Variants in MARS1 observed in about 807,000 individuals in gnomAD.
MARS1 encodes the protein methionyl-tRNA synthetase 1.
Under a neutral mutation model 119.5 loss-of-function variants are expected in MARS1, and 80 were observed. The ratio of observed to expected loss-of-function variants is 0.67; its 90% CI spans 0.56 to 0.81. MARS1 has a LOEUF of 0.81. MARS1 is among the 30% of genes least tolerant of loss of function. The probability of loss-of-function intolerance (pLI) is 0.00; values close to 1 mark genes in which losing one functional copy is unlikely to be tolerated. For synonymous variants in MARS1, 418 were observed against 433.4 expected (o/e 0.96, Z 0.44); for missense variants, 945 against 1,116.5 (o/e 0.85, Z 2.19).
intron 18 of MARS1, 125 bp downstream of exon 18, chr12:57,515,461 T>C (rs923964397): frequency 6.5e-6 from 6 of 926,502 alleles, no homozygotes; most frequent in East Asian, 2.6e-5. Context: ...GTTTCTGATA[T>C]AAAGTCCTTG....
At position 57,516,496 on chromosome 12, in the gene MARS1, T is replaced by C; in HGVS notation, c.2618T>C (p.Val873Ala). The stretch of plus-strand genomic sequence containing the variant: ...GACAAGAACGAGGTTGCTGCGGAGG[T>C]GGCGAAACTCTTGGATCTAAAGAAA... Reference protein sequence around the residue: ...KADKNEVAAEVAKLLDLKKQL... With the variant: ...KADKNEVAAEAAKLLDLKKQL... Residue 873 changes from valine (V) to alanine (A), a missense_variant, in exon 21 of 21, where the codon GTG becomes GCG. Physicochemically the swap from Val to Ala is moderately conservative, Grantham distance 64. Transcript: ENST00000262027. 6.2e-7 allele frequency: 1 copy of C among 1,613,596 alleles called. No individual in the cohort carries two copies. The highest frequency in any genetic ancestry group is 8.5e-7 in the Non-Finnish European group (1 of 1,179,886).
At position 57,489,946 on chromosome 12, in the gene MARS1, A is replaced by C; in HGVS notation, c.465A>C (p.Leu155Phe). Residue 155 changes from leucine to phenylalanine, a missense_variant, in exon 5 of 21, where the codon TTA becomes TTC. By Grantham distance (22) the Leu-to-Phe change is conservative. Coordinates refer to ENST00000262027, the MANE Select transcript of MARS1 (RefSeq NM_004990.4). ...TTTTGTGGGGAGCCCTATACCCATT[A>C]CTGCAAGATCCCGCCTACCTCCCTG... is the stretch of plus-strand genomic sequence containing the variant. ...DIVLWGALYP[L>F]LQDPAYLPEE... 1.9e-6 allele frequency: 3 copies of C among 1,614,170 alleles called. No homozygotes were observed. Among genetic ancestry groups the C allele is most frequent in the Non-Finnish European group, 2.5e-6 (3 of 1,180,014 alleles).
At position 57,516,435 on chromosome 12, in the gene MARS1, G is replaced by A; in HGVS notation, c.2557G>A (p.Gly853Arg). 1 of 1,612,982 alleles carries A rather than the reference G, an allele frequency of 6.2e-7. No homozygotes were observed. The highest frequency in any genetic ancestry group is 8.5e-7 in the Non-Finnish European group (1 of 1,179,496). ...ACCTCCCCACCCCCCTTTATCTTAG[G>A]GAAACATTGTCCGAGAACTGAAAGC... is the stretch of plus-strand genomic sequence containing the variant. Reference protein sequence around the residue: ...QALMDEVTKQGNIVRELKAQK... With the variant: ...QALMDEVTKQRNIVRELKAQK... The change falls in exon 21 of 21, where the codon GGA (glycine) becomes AGA (arginine). Residue 853 changes from glycine (G) to arginine (R), a missense_variant and splice_region_variant. Coordinates refer to ENST00000262027, the MANE Select transcript of MARS1 (RefSeq NM_004990.4).
At chr12:57,494,328 C>CTTTTT (rs71448526) in intron 7 of MARS1, among the ~76,000 whole-genome samples, 1 of 121,228 alleles carries the variant, frequency 8.2e-6, no homozygotes, top group Non-Finnish European at 1.7e-5. Context: ...TCTTTTTTTT[C>CTTTTT]TTTTTTTTTT....
intron 7 of MARS1, among the ~76,000 whole-genome samples, chr12:57,495,405 G>A (rs1876560582): frequency 6.8e-6 from 1 of 146,120 alleles, no homozygotes; most frequent in South Asian, 2.1e-4. Context: ...CTCAGACGGG[G>A]CGGCGGGGCA....
At chr12:57,514,673 T>A (rs763921830) in intron 15 of MARS1, 47 bp from the exon 16 acceptor site, 2 of 1,611,612 alleles carry the variant, frequency 1.2e-6, no homozygotes, top group South Asian at 2.2e-5. Flanking sequence ...GACGGGATAA[T>A]AACTTCCCCT....
Position 57,512,265 on chromosome 12 carries a change from C to A in MARS1, c.1665C>A (p.Asp555Glu). ...QVDLYQFMAKDNVPFHSLVFP... is the reference protein window; with the variant it reads ...QVDLYQFMAKENVPFHSLVFP... ...ACCTGTATCAGTTCATGGCCAAAGACAATGTTCCTTTCCATAGCTTAGTCT... is the reference window on the plus strand; with the variant it reads ...ACCTGTATCAGTTCATGGCCAAAGAAAATGTTCCTTTCCATAGCTTAGTCT... Residue 555 changes from aspartate to glutamate, a missense_variant, in exon 14 of 21, where the codon GAC becomes GAA. Physicochemically the swap from Asp to Glu is conservative, Grantham distance 45. Transcript: ENST00000262027. 1 of 1,614,184 alleles carries A rather than the reference C, an allele frequency of 6.2e-7. No homozygotes were observed. Among genetic ancestry groups the A allele is most frequent in the Non-Finnish European group, 8.5e-7 (1 of 1,180,026 alleles).
rs1357500183 is a variant in MARS1 at position 57,493,775 on chromosome 12, ATATATAT to A, written c.770+3151_770+3157del. On this transcript the variant is annotated intron_variant, in intron 7 of 20. Coordinates refer to ENST00000262027, the MANE Select transcript of MARS1 (RefSeq NM_004990.4). Reference sequence around the variant, plus strand: ...CATTATATTATATATATTATATATAATATATATTATATATTATATATTATATTATATA... The same window carrying A: ...CATTATATTATATATATTATATATAATATATATTATATATTATATTATATA... Among the ~76,000 whole-genome samples the A allele has an allele frequency of 9.4e-3, 25 of 2,652 alleles. 6 individuals carry two copies. The highest frequency in any genetic ancestry group is 0.043 in the African/African-American group (25 of 582). The allele number at this position is 2,652 out of a possible 152,430, so 1.7% of individuals were successfully genotyped here.
intron 7 of MARS1, among the ~76,000 whole-genome samples, chr12:57,496,157 C>G (rs954102896): frequency 6.8e-6 from 1 of 147,702 alleles, no homozygotes; most frequent in South Asian, 2.2e-4. Context: ...AGCCACTGCA[C>G]CCGGCAATAT....
At chr12:57,490,497 GC>G (rs1594807845) in intron 6 of MARS1, 40 bp from the exon 7 acceptor site, 1 of 1,611,192 alleles carries the variant, frequency 6.2e-7, no homozygotes, top group Non-Finnish European at 8.5e-7. Context: ...TACCCTGTGG[GC>G]CCTCCTCACC....
intron 7 of MARS1, 114 bp downstream of exon 7, chr12:57,490,758 T>G: frequency 1.6e-6 from 1 of 609,600 alleles, no homozygotes; most frequent in Non-Finnish European, 2.9e-6. Flanking sequence ...TTTTTCATCC[T>G]CTCCTTTTAA....
rs758314169 is a variant in MARS1 at position 57,515,329 on chromosome 12, T to C, written c.2384T>C (p.Ile795Thr). Residue 795 changes from isoleucine (I) to threonine (T), a missense_variant, in exon 18 of 21, where the codon ATT (isoleucine) becomes ACT (threonine). Ile to Thr is a moderately conservative substitution (Grantham distance 89). Coordinates refer to ENST00000262027, the MANE Select transcript of MARS1 (RefSeq NM_004990.4). ...TGTACCTTACCAGCAGGACACCAGATTGGCACAGTAGGTGGAAGAGCCAGC... is the reference window on the plus strand; with the variant it reads ...TGTACCTTACCAGCAGGACACCAGACTGGCACAGTAGGTGGAAGAGCCAGC... ...FLCTLPAGHQ[I>T]GTVSPLFQKL... 9.9e-6 allele frequency: 16 copies of C among 1,612,620 alleles called. No individual in the cohort carries two copies. In the East Asian group the frequency reaches 2.2e-4, roughly 22 times the overall value.
chr12:57,515,799 T>C, intron 18 of MARS1, 121 bp from the exon 19 acceptor site: 1 of 740,632 alleles, frequency 1.4e-6, no homozygotes, highest in Non-Finnish European at 2.3e-6. Context: ...AGATATTAGC[T>C]CAGTGTTAAG....
chr12:57,515,150 GCAA>G lies in MARS1; in HGVS notation c.2207_2209del (p.Gln736del). On this transcript the variant is annotated inframe_deletion and splice_region_variant, in exon 18 of 21. Transcript: ENST00000262027. ...TTGACTAATGTCTCCTCTTCCTCAG[GCAA>G]CGGGCAGGAACAGTGACTGGCTTGG... 2 of 1,614,186 alleles carry G rather than the reference GCAA, an allele frequency of 1.2e-6. No individual in the cohort carries two copies. Among genetic ancestry groups the G allele is most frequent in the Non-Finnish European group, 1.7e-6 (2 of 1,180,032 alleles).
intron 2 of MARS1, 25 bp downstream of exon 2, chr12:57,489,134 G>T (rs762148057): frequency 6.2e-7 from 1 of 1,610,568 alleles, no homozygotes; most frequent in South Asian, 1.1e-5. Context: ...TTGGTGTAGG[G>T]AGGTGGCTGA....
chr12:57,504,251 A>T lies in MARS1; in HGVS notation c.1320A>T (p.Ser440=). ...LKKPQCKVCR[S]CPVVQSSQHL... ...AGCCTCAGTGTAAAGTCTGCCGATCATGCCCTGTGGTGCAGTCGAGCCAGC... is the reference window on the plus strand; with the variant it reads ...AGCCTCAGTGTAAAGTCTGCCGATCTTGCCCTGTGGTGCAGTCGAGCCAGC... Residue 440 remains serine, a synonymous_variant, in exon 11 of 21, where the codon TCA becomes TCT. Coordinates refer to ENST00000262027, the MANE Select transcript of MARS1 (RefSeq NM_004990.4). 1 of 1,614,190 alleles carries T rather than the reference A, an allele frequency of 6.2e-7. No homozygotes were observed. The highest frequency in any genetic ancestry group is 8.5e-7 in the Non-Finnish European group (1 of 1,180,004).
intron 7 of MARS1, 110 bp from the exon 8 acceptor site, chr12:57,498,047 A>C: frequency 1.4e-6 from 1 of 738,856 alleles, no homozygotes; most frequent in Non-Finnish European, 2.4e-6. Flanking sequence ...TCAAGTGTAC[A>C]TGAACACATG....
At chr12:57,501,392 A>G (rs1876908508) in intron 10 of MARS1, among the ~76,000 whole-genome samples, 1 of 152,254 alleles carries the variant, frequency 6.6e-6, no homozygotes. Context: ...GAAATAAAGT[A>G]TGTTGAAGGG....
Position 57,516,439 on chromosome 12 carries a change from A to G in MARS1, c.2561A>G (p.Asn854Ser). 1 of 1,613,072 alleles carries G rather than the reference A, an allele frequency of 6.2e-7. No homozygotes were observed. Among genetic ancestry groups the G allele is most frequent in the Non-Finnish European group, 8.5e-7 (1 of 1,179,534 alleles). Residue 854 changes from asparagine (N) to serine (S), a missense_variant, in exon 21 of 21, where the codon AAC becomes AGC. Physicochemically the swap from Asn to Ser is conservative, Grantham distance 46 (BLOSUM62 1). Coordinates refer to ENST00000262027, the MANE Select transcript of MARS1 (RefSeq NM_004990.4). ...ALMDEVTKQG[N>S]IVRELKAQKA... ...CCCCACCCCCCTTTATCTTAGGGAA[A>G]CATTGTCCGAGAACTGAAAGCACAA...
Sources: gnomAD v4.1 joint callset for allele counts (sites outside exome capture counted in the v4.1 genomes callset) on GRCh38, gnomAD v4.1.1 for gene constraint, MANE v1.5 for transcripts, NCBI Gene and HGNC (gene_info 2026-07-23, HGNC 2026-07-21) for gene names.